Variants in SDK1 observed in about 807,000 individuals in gnomAD.
SDK1 encodes sidekick cell adhesion molecule 1.
In SDK1, 157 loss-of-function variants were observed where a neutral mutation model predicts 245.5. That is an observed-to-expected ratio of 0.64 (90% CI 0.56 to 0.73). The LOEUF (loss-of-function observed/expected upper bound fraction) is 0.73. Ranked by LOEUF, SDK1 falls within the 30% of genes least tolerant of loss-of-function variation. The pLI, the probability that SDK1 is intolerant of heterozygous loss-of-function variation, is 0.00. For missense variants in SDK1, 3,583 were observed against 3,002.3 expected (o/e 1.19, Z -4.52); for synonymous variants, 1,647 against 1,278.5 (o/e 1.29, Z -6.15).
intron 1 of SDK1, among the ~76,000 whole-genome samples, chr7:3,460,156 A>G (rs945749269): frequency 6.6e-6 from 1 of 152,248 alleles, no homozygotes; most frequent in Non-Finnish European, 1.5e-5. Context: ...ATAAACATTT[A>G]TCTTTTTGAT....
intron 17 of SDK1, among the ~76,000 whole-genome samples, chr7:4,036,817 T>C (rs1463556128): frequency 2.0e-5 from 3 of 152,284 alleles, no homozygotes; most frequent in South Asian, 4.1e-4. Flanking sequence ...TCTGCCTCAG[T>C]CTTGGCCATC....
chr7:4,135,043 C>T (rs1482099422), intron 28 of SDK1, among the ~76,000 whole-genome samples: 2 of 152,238 alleles, frequency 1.3e-5, no homozygotes, highest in Non-Finnish European at 2.9e-5. Context: ...ACGTGTCTAC[C>T]TGGTGAGGCT....
chr7:3,638,933 G>A, intron 2 of SDK1, 71 bp from the exon 3 acceptor site: 2 of 851,588 alleles, frequency 2.3e-6, no homozygotes, highest in Non-Finnish European at 3.7e-6. Context: ...TGATAAAATA[G>A]CATCTGATGG....
At chr7:3,959,227 T>C (rs1050632366) in intron 8 of SDK1, among the ~76,000 whole-genome samples, 17 of 152,116 alleles carry the variant, frequency 1.1e-4, no homozygotes, top group African/African-American at 4.1e-4. Flanking sequence ...ACAGAGATGA[T>C]ACTATTTACC....
chr7:4,152,869 G>A (rs961325013), intron 30 of SDK1, among the ~76,000 whole-genome samples: 2 of 152,212 alleles, frequency 1.3e-5, no homozygotes, highest in East Asian at 1.9e-4. Context: ...TATGGGTCGA[G>A]ACCCCCAGGG....
At chr7:3,801,339 T>C (rs1184696349) in intron 4 of SDK1, among the ~76,000 whole-genome samples, 1 of 152,220 alleles carries the variant, frequency 6.6e-6, no homozygotes, top group African/African-American at 2.4e-5. Context: ...TTATTCTCTT[T>C]CCAATGTCAT....
intron 35 of SDK1, among the ~76,000 whole-genome samples, chr7:4,203,809 C>G (rs922432655): frequency 2.6e-5 from 4 of 152,230 alleles, no homozygotes; most frequent in Non-Finnish European, 5.9e-5. Context: ...TTCTCTCTTC[C>G]CTGCTGGTGT....
intron 1 of SDK1, among the ~76,000 whole-genome samples, chr7:3,339,558 TC>T (rs1172740485): frequency 4.6e-5 from 7 of 152,014 alleles, no homozygotes; most frequent in Admixed American, 4.6e-4. Context: ...AGGATTGAAA[TC>T]CTACAGAATT....
intron 43 of SDK1, among the ~76,000 whole-genome samples, chr7:4,243,862 C>G (rs1317082929): frequency 6.6e-6 from 1 of 152,208 alleles, no homozygotes; most frequent in East Asian, 1.9e-4. Flanking sequence ...CCTGTAGCAT[C>G]ATCCCCAAAA....
At chr7:4,234,741 C>G (rs1276405888) in intron 41 of SDK1, among the ~76,000 whole-genome samples, 1 of 152,216 alleles carries the variant, frequency 6.6e-6, no homozygotes, top group African/African-American at 2.4e-5. Flanking sequence ...GCGTGACTTT[C>G]TTTACCCCGC....
Position 4,113,269 on chromosome 7 carries a change from A to T in SDK1, c.3435-20A>T. 1.9e-6 allele frequency: 3 copies of T among 1,610,000 alleles called. No individual in the cohort carries two copies. Among genetic ancestry groups the T allele is most frequent in the South Asian group, 2.2e-5 (2 of 90,572 alleles). ...TTACCTTTGCTTTGCCGTGACTCTC[A>T]TCAGTGGTTTTTCCTTTAGATTTCG... On this transcript the variant is annotated intron_variant, in intron 23 of 44. Coordinates refer to ENST00000404826, the MANE Select transcript of SDK1 (RefSeq NM_152744.4).
rs145713495 is a variant in SDK1, at chr7:4,208,980, A to T, written c.5401+695A>T. ...CTGTAGGATTCTGGAAGTCTGAGAG[A>T]CTGGGAGAGTGAGGTCTGGGAACCG... On this transcript the variant is annotated intron_variant, in intron 37 of 44. Coordinates refer to ENST00000404826, the MANE Select transcript of SDK1 (RefSeq NM_152744.4). Among the ~76,000 whole-genome samples the T allele has an allele frequency of 3.1e-3, 472 of 152,280 alleles. 2 individuals are homozygous for T. The highest frequency in any genetic ancestry group is 4.6e-3 in the Non-Finnish European group (316 of 68,006).
Position 4,017,231 on chromosome 7 carries a change from G to A in SDK1, c.2481G>A (p.Val827=). 1.9e-6 allele frequency: 3 copies of A among 1,614,132 alleles called. No individual in the cohort carries two copies. Among genetic ancestry groups the A allele is most frequent in the African/African-American group, 2.7e-5 (2 of 75,036 alleles). The change falls in exon 17 of 45, where the codon GTG becomes GTA. Residue 827 remains valine (V), a synonymous_variant. Transcript: ENST00000404826. ...YQQRNITSPE[V]NYCLVTDLII... is the part of the protein sequence containing the mutation. ...AGCGGAACATCACCAGCCCGGAGGT[G>A]AACTACTGCCTGGTGACAGACCTGA...
chr7:3,634,463 G>T (rs1486731345), intron 2 of SDK1, among the ~76,000 whole-genome samples: 1 of 152,180 alleles, frequency 6.6e-6, no homozygotes, highest in Non-Finnish European at 1.5e-5. Context: ...TAATGAACTG[G>T]TCCTGGAAAA....
chr7:3,301,905 G>C, intron 1 of SDK1, 21 bp downstream of exon 1: 1 of 1,132,476 alleles, frequency 8.8e-7, no homozygotes, highest in African/African-American at 1.6e-5. Flanking sequence ...GCGGGGTCGC[G>C]GGCCGGGGGC....
intron 1 of SDK1, among the ~76,000 whole-genome samples, chr7:3,369,299 C>T (rs995729003): frequency 1.3e-5 from 2 of 152,094 alleles, no homozygotes; most frequent in Non-Finnish European, 2.9e-5. Flanking sequence ...CCTCGGCCTC[C>T]CAAAGTGCTG....
intron 2 of SDK1, among the ~76,000 whole-genome samples, chr7:3,638,286 A>G (rs900101819): frequency 2.0e-5 from 3 of 152,204 alleles, no homozygotes; most frequent in African/African-American, 7.2e-5. Flanking sequence ...ATTACTGGGT[A>G]TATACCCAAA....
intron 35 of SDK1, among the ~76,000 whole-genome samples, chr7:4,196,058 C>G (rs910080738): frequency 1.3e-5 from 2 of 152,164 alleles, no homozygotes; most frequent in Non-Finnish European, 2.9e-5. Flanking sequence ...CATGTCTGGA[C>G]TTTTACTGGA....
At chr7:3,988,141 T>G (rs1175212039) in intron 14 of SDK1, among the ~76,000 whole-genome samples, 3 of 144,850 alleles carry the variant, frequency 2.1e-5, no homozygotes, top group Admixed American at 6.8e-5. Context: ...TGTTTTTTTT[T>G]TTTTTTTTTT....
Sources: gnomAD v4.1 joint callset for allele counts (sites outside exome capture counted in the v4.1 genomes callset) on GRCh38, gnomAD v4.1.1 for gene constraint, MANE v1.5 for transcripts, NCBI Gene and HGNC (gene_info 2026-07-23, HGNC 2026-07-21) for gene names.